Variants in PDE6D observed in about 807,000 individuals in gnomAD.
PDE6D encodes phosphodiesterase 6D, also known as retinal rod rhodopsin-sensitive cGMP 3',5'-cyclic phosphodiesterase subunit delta.
PDE6D carries 10 observed loss-of-function variants against 21.9 expected under a neutral mutation model. That is an observed-to-expected ratio of 0.46 (90% CI 0.28 to 0.78). PDE6D has a LOEUF of 0.78. PDE6D is among the 30% of genes least tolerant of loss of function. The probability of loss-of-function intolerance (pLI) is 0.12; values close to 1 mark genes in which losing one functional copy is unlikely to be tolerated. For missense variants in PDE6D, 139 were observed against 184.8 expected, an observed-to-expected ratio of 0.75 and a Z score of 1.44; for synonymous variants, 59 against 63.5, an observed-to-expected ratio of 0.93 and a Z score of 0.34.
At chr2:231,756,960 T>C (rs1263990400) in intron 1 of PDE6D, among the ~76,000 whole-genome samples, 1 of 151,872 alleles carries the variant, frequency 6.6e-6, no homozygotes, top group African/African-American at 2.4e-5. Flanking sequence ...CGCTTCCAGA[T>C]ATCTTTTCTT....
At chr2:231,758,241 A>T (rs1011348360) in intron 1 of PDE6D, among the ~76,000 whole-genome samples, 4 of 151,872 alleles carry the variant, frequency 2.6e-5, no homozygotes, top group African/African-American at 9.7e-5. Flanking sequence ...TGTTGGGCTC[A>T]AGGGATTCTC....
chr2:231,733,823 G>T (rs1192577811), intron 4 of PDE6D, among the ~76,000 whole-genome samples: 1 of 152,064 alleles, frequency 6.6e-6, no homozygotes, highest in East Asian at 1.9e-4. Flanking sequence ...TTTTCTTGGT[G>T]GGTATCTCGG....
At position 231,781,205 on chromosome 2, in the gene PDE6D, G is replaced by C; in HGVS notation, c.-91C>G. The C allele has an allele frequency of 7.7e-7, 1 of 1,300,854 alleles. No homozygotes were observed. The highest frequency in any genetic ancestry group is 1.1e-6 in the Non-Finnish European group (1 of 907,740). 80.6% of individuals were successfully genotyped at this position (1,300,854 alleles called of 1,614,324 possible). A position where few individuals can be genotyped will look rare whatever the true frequency, so the allele number is the denominator to read the frequency against. On this transcript the variant is annotated 5_prime_UTR_variant, in exon 1 of 5. Coordinates refer to ENST00000287600, the MANE Select transcript of PDE6D (RefSeq NM_002601.4). The stretch of plus-strand genomic sequence containing the variant: ...GAGCCGAGGATGGAGCCGCAGCCCG[G>C]CTTGGAGACCTCGGGCTAGCAGCCG...
intron 1 of PDE6D, among the ~76,000 whole-genome samples, chr2:231,770,908 G>A (rs1174161508): frequency 2.7e-5 from 4 of 150,780 alleles, no homozygotes; most frequent in Admixed American, 6.6e-5. Flanking sequence ...AGTTGAGATC[G>A]CGCCATTGCA....
At chr2:231,753,665 G>A (rs56159504) in intron 1 of PDE6D, among the ~76,000 whole-genome samples, 26,864 of 151,900 alleles carry the variant, frequency 0.18, 2,757 homozygotes, top group Non-Finnish European at 0.23. Context: ...GCTTTTGCAT[G>A]GAAATAAATT....
In PDE6D at chr2:231,781,122, C is replaced by T. The variant is rs770842780; in HGVS notation, c.-8G>A. The T allele has an allele frequency of 1.0e-3, 1,611 of 1,610,440 alleles. No homozygotes were observed. Among genetic ancestry groups the T allele is most frequent in the Non-Finnish European group, 1.3e-3 (1,521 of 1,178,556 alleles). On this transcript the variant is annotated 5_prime_UTR_variant, in exon 1 of 5. Coordinates refer to ENST00000287600, the MANE Select transcript of PDE6D (RefSeq NM_002601.4). ...CTCGTCCTTGGCTGACATGATGCGG[C>T]GGTCGCCGCCCGCGGCTTTCTCACT...
chr2:231,780,642 G>A (rs2049106387), intron 1 of PDE6D, among the ~76,000 whole-genome samples: 1 of 151,910 alleles, frequency 6.6e-6, no homozygotes, highest in South Asian at 2.1e-4. Flanking sequence ...CCCCGGGTAG[G>A]CTTATAGCCA....
intron 1 of PDE6D, among the ~76,000 whole-genome samples, chr2:231,764,946 C>A (rs11691808): frequency 6.6e-6 from 1 of 151,946 alleles, no homozygotes; most frequent in East Asian, 1.9e-4. Flanking sequence ...GCGATGCTTT[C>A]AGGGTCCAGT....
intron 1 of PDE6D, among the ~76,000 whole-genome samples, chr2:231,756,938 C>T (rs1047333829): frequency 2.0e-5 from 3 of 151,696 alleles, no homozygotes; most frequent in African/African-American, 4.8e-5. Context: ...TAGAGAAGGG[C>T]TAATCTAACC....
chr2:231,764,862 CA>C (rs1448320247), intron 1 of PDE6D, among the ~76,000 whole-genome samples: 1 of 152,200 alleles, frequency 6.6e-6, no homozygotes, highest in African/African-American at 2.4e-5. Context: ...AACTGACACT[CA>C]AATATGTGTT....
chr2:231,734,453 T>TA (rs112709614), intron 4 of PDE6D, among the ~76,000 whole-genome samples: 5,885 of 143,802 alleles, frequency 0.041, 320 homozygotes, highest in African/African-American at 0.12. Flanking sequence ...TAATAAAATC[T>TA]AAAAAAAAAA....
chr2:231,763,319 C>T (rs536747623), intron 1 of PDE6D, among the ~76,000 whole-genome samples: 1 of 152,306 alleles, frequency 6.6e-6, no homozygotes, highest in African/African-American at 2.4e-5. Context: ...AATCATTTCC[C>T]TCCAATTCTC....
chr2:231,743,192 G>A (rs1348264884), intron 1 of PDE6D, among the ~76,000 whole-genome samples: 7 of 152,042 alleles, frequency 4.6e-5, no homozygotes, highest in African/African-American at 1.7e-4. Context: ...TTTGGAGGCC[G>A]AGGCGGGCGG....
chr2:231,740,861 C>T (rs1336659758), intron 1 of PDE6D, among the ~76,000 whole-genome samples: 1 of 151,064 alleles, frequency 6.6e-6, no homozygotes, highest in Non-Finnish European at 1.5e-5. Context: ...AGTGTCTAGG[C>T]CAGGAGCGAT....
chr2:231,738,245 T>G, intron 2 of PDE6D, 107 bp from the exon 3 acceptor site: 1 of 1,023,288 alleles, frequency 9.8e-7, no homozygotes, highest in Non-Finnish European at 1.4e-6. Flanking sequence ...GAACACTTTC[T>G]TACAGCTGAT....
intron 1 of PDE6D, among the ~76,000 whole-genome samples, chr2:231,767,651 C>T (rs2048982720): frequency 6.6e-6 from 1 of 152,030 alleles, no homozygotes; most frequent in Admixed American, 6.6e-5. Flanking sequence ...GTGACTTGTA[C>T]AAAGTCAGCT....
At chr2:231,733,140 G>A (rs2048665809) in intron 4 of PDE6D, 107 bp from the exon 5 acceptor site, 2 of 742,888 alleles carry the variant, frequency 2.7e-6, no homozygotes, top group Admixed American at 4.1e-5. Flanking sequence ...CAATGGACAT[G>A]CACCCACCCA....
At chr2:231,740,018 C>G (rs1029679263) in intron 1 of PDE6D, among the ~76,000 whole-genome samples, 1 of 151,870 alleles carries the variant, frequency 6.6e-6, no homozygotes, top group Non-Finnish European at 1.5e-5. Context: ...AAGAGGCTTA[C>G]AGATAAAGAC....
chr2:231,738,998 G>A, intron 2 of PDE6D, 102 bp downstream of exon 2: 1 of 713,910 alleles, frequency 1.4e-6, no homozygotes, highest in South Asian at 1.6e-5. Context: ...TGTCTTCAGG[G>A]GCTCACCCGC....
Sources: allele counts gnomAD v4.1 joint callset (sites outside exome capture counted in the v4.1 genomes callset), GRCh38; gene constraint gnomAD v4.1.1; transcripts MANE v1.5; gene names NCBI Gene and HGNC (gene_info 2026-07-23, HGNC 2026-07-21).